PDE12: variants seen among roughly 807,000 people sequenced by gnomAD.
PDE12 encodes phosphodiesterase 12.
A neutral mutation model predicts 45.4 loss-of-function variants in PDE12; 26 were observed. That is an observed-to-expected ratio of 0.57 (90% CI 0.42 to 0.79). The LOEUF (loss-of-function observed/expected upper bound fraction) is 0.79. PDE12 is among the 30% of genes least tolerant of loss of function. PDE12 has a pLI of 0.00. For synonymous variants in PDE12, 283 were observed against 323.9 expected, an observed-to-expected ratio of 0.87 and a Z score of 1.36; for missense variants, 668 against 790.0, an observed-to-expected ratio of 0.85 and a Z score of 1.85.
chr3:57,588,247 G>A, the PDE12 span, among the ~76,000 whole-genome samples: 2 of 152,208 alleles, frequency 1.3e-5, no homozygotes, highest in Non-Finnish European at 2.9e-5. Flanking sequence ...TGACCAAAGT[G>A]TTACTATAGC....
chr3:57,599,272 T>G, the PDE12 span, among the ~76,000 whole-genome samples: 1 of 152,184 alleles, frequency 6.6e-6, no homozygotes, highest in Non-Finnish European at 1.5e-5. Flanking sequence ...AAGGAGGCAG[T>G]CAGATATGCG....
the PDE12 span, among the ~76,000 whole-genome samples, chr3:57,604,544 T>G: frequency 6.8e-6 from 1 of 148,110 alleles, no homozygotes; most frequent in East Asian, 2.0e-4. Flanking sequence ...AGCCTAGGAG[T>G]TAGAGTCTAG....
At chr3:57,651,970 G>A in the PDE12 span, among the ~76,000 whole-genome samples, 1,050 of 152,206 alleles carry the variant, frequency 6.9e-3, 7 homozygotes, top group Non-Finnish European at 0.011. Context: ...ACACCTAGGT[G>A]GGAGGATCAC....
At chr3:57,575,524 T>TGATATC in the PDE12 span, 1 of 1,600,208 alleles carries the variant, frequency 6.2e-7, no homozygotes, top group African/African-American at 1.3e-5. Context: ...GTCAAGAGGT[T>TGATATC]AATATCAACC....
At chr3:57,628,397 ATACAT>A in the PDE12 span, 1 of 1,577,330 alleles carries the variant, frequency 6.3e-7, no homozygotes, top group South Asian at 1.2e-5. Flanking sequence ...ATCTGTATTA[ATACAT>A]TACATTCTCT....
the PDE12 span, among the ~76,000 whole-genome samples, chr3:57,579,235 CAA>C: frequency 0.22 from 20,545 of 95,000 alleles, 2,139 homozygotes; most frequent in East Asian, 0.54. Flanking sequence ...GCCTGGGCGA[CAA>C]GAGCAAACTA....
rs192365019 is a variant in PDE12 at position 57,561,907 on chromosome 3, C to T, written c.*1903C>T. 58 of 984,952 alleles carry T rather than the reference C, an allele frequency of 5.9e-5. No individual in the cohort carries two copies. In the East Asian group the frequency reaches 5.2e-3, roughly 89 times the overall value. The allele number at this position is 984,952 out of a possible 1,614,324, so 61.0% of individuals were successfully genotyped here. On this transcript the variant is annotated 3_prime_UTR_variant, in exon 3 of 3. Transcript: ENST00000311180. ...AAGGGGAAAATTAAAGTGGAAGTTT[C>T]TTCGGATCTTGTTTAGAAAAAACTA... is the stretch of plus-strand genomic sequence containing the variant.
the PDE12 span, among the ~76,000 whole-genome samples, chr3:57,651,034 T>C: frequency 1.3e-5 from 2 of 152,228 alleles, no homozygotes; most frequent in African/African-American, 4.8e-5. Flanking sequence ...TCTGACCACC[T>C]TGGCCTCCCA....
the PDE12 span, among the ~76,000 whole-genome samples, chr3:57,637,735 A>G: frequency 6.6e-6 from 1 of 151,440 alleles, no homozygotes; most frequent in Non-Finnish European, 1.5e-5. Flanking sequence ...CCAAATATAC[A>G]AGCAATACAA....
the PDE12 span, among the ~76,000 whole-genome samples, chr3:57,607,466 C>G: frequency 6.6e-6 from 1 of 152,030 alleles, no homozygotes; most frequent in Non-Finnish European, 1.5e-5. Context: ...AAGTTCAAAC[C>G]CACGCAAAGA....
chr3:57,585,653 A>G, the PDE12 span, among the ~76,000 whole-genome samples: 1 of 137,898 alleles, frequency 7.3e-6, no homozygotes, highest in Admixed American at 8.4e-5. Flanking sequence ...CAATATAAGT[A>G]ATATCTAAAT....
chr3:57,639,150 T>C, the PDE12 span, among the ~76,000 whole-genome samples: 296 of 152,160 alleles, frequency 1.9e-3, 2 homozygotes, highest in Middle Eastern at 0.02. Flanking sequence ...CAAAGATATA[T>C]GAATGAAAGG....
rs781217207 is a variant in PDE12, at chr3:57,556,696, C to A, written c.317C>A (p.Ala106Glu). 5.0e-6 allele frequency: 8 copies of A among 1,594,368 alleles called. No individual in the cohort carries two copies. Among genetic ancestry groups the A allele is most frequent in the Non-Finnish European group, 6.9e-6 (8 of 1,167,416 alleles). Reference protein sequence around the residue: ...RKSRPNASGGAACSGPGPEPA... With the variant: ...RKSRPNASGGEACSGPGPEPA... ...AGCCGGCCGAATGCTAGCGGCGGTG[C>A]GGCCTGTTCAGGGCCGGGGCCTGAG... is the stretch of plus-strand genomic sequence containing the variant. The change falls in exon 1 of 3, where the codon GCG becomes GAG. Residue 106 changes from alanine (A) to glutamate (E), a missense_variant. Transcript: ENST00000311180. The surrounding 1 kb of genome is among the most constrained non-coding windows in gnomAD (Gnocchi z 5.0).
At chr3:57,608,333 T>C in the PDE12 span, among the ~76,000 whole-genome samples, 1 of 152,112 alleles carries the variant, frequency 6.6e-6, no homozygotes, top group African/African-American at 2.4e-5. Context: ...CATCAAGTAA[T>C]GAGCAAAATA....
the PDE12 span, among the ~76,000 whole-genome samples, chr3:57,623,006 G>C: frequency 6.6e-6 from 1 of 152,164 alleles, no homozygotes; most frequent in Non-Finnish European, 1.5e-5. Context: ...TCTTGGCTGT[G>C]ATGATGGTTT....
chr3:57,581,044 A>C, the PDE12 span, among the ~76,000 whole-genome samples: 51 of 152,212 alleles, frequency 3.4e-4, no homozygotes, highest in African/African-American at 1.2e-3. Context: ...AAAAGCTAGG[A>C]TTCTACAGAT....
chr3:57,573,746 T>C, the PDE12 span, among the ~76,000 whole-genome samples: 1 of 152,018 alleles, frequency 6.6e-6, no homozygotes, highest in Non-Finnish European at 1.5e-5. Flanking sequence ...CACGACCAGC[T>C]AATTTTTGTA....
At chr3:57,603,091 C>T in the PDE12 span, among the ~76,000 whole-genome samples, 4 of 151,462 alleles carry the variant, frequency 2.6e-5, no homozygotes, top group Admixed American at 6.6e-5. Flanking sequence ...TGCTTGAACC[C>T]GGGAGGCGGA....
downstream of PDE12, among the ~76,000 whole-genome samples, chr3:57,570,223 T>G (rs1460686431): frequency 7.2e-6 from 1 of 139,728 alleles, no homozygotes; most frequent in Non-Finnish European, 1.5e-5. Flanking sequence ...TCCAGTGTTT[T>G]TTTTTTTTTT....
Sources: allele counts gnomAD v4.1 joint callset (sites outside exome capture counted in the v4.1 genomes callset), GRCh38; gene constraint gnomAD v4.1.1; non-coding constraint Gnocchi (gnomAD v3.1); transcripts MANE v1.5; gene names NCBI Gene and HGNC (gene_info 2026-07-23, HGNC 2026-07-21).